The following ADGRE3 variants were observed in gnomAD, a reference collection of about 807,000 sequenced individuals.
ADGRE3 encodes EGF-like module receptor 3.
ADGRE3 carries 88 observed loss-of-function variants against 80.1 expected under a neutral mutation model. The observed-to-expected ratio is 1.10, with a 90% confidence interval of 0.93 to 1.31. The LOEUF (loss-of-function observed/expected upper bound fraction) is 1.31. Ranked by LOEUF, ADGRE3 falls within the 40% of genes most tolerant of loss-of-function variation. The probability of loss-of-function intolerance (pLI) is 0.00; values close to 1 mark genes in which losing one functional copy is unlikely to be tolerated. For missense variants in ADGRE3, 715 were observed against 776.5 expected (o/e 0.92, Z 0.94); for synonymous variants, 281 against 294.8 (o/e 0.95, Z 0.48).
chr19:14,615,354 T>G (rs900587925), downstream of ADGRE3, among the ~76,000 whole-genome samples: 1 of 152,050 alleles, frequency 6.6e-6, no homozygotes, highest in Non-Finnish European at 1.5e-5. Context: ...ATGTTCCACA[T>G]TATCTCCTGA....
downstream of ADGRE3, among the ~76,000 whole-genome samples, chr19:14,617,320 G>C (rs199750939): frequency 0.011 from 480 of 43,934 alleles, 17 homozygotes; most frequent in East Asian, 0.14. Context: ...TCTTCCCCTT[G>C]CTTCCCTCCC....
At chr19:14,650,116 ATCTC>A (rs548310039) in intron 7 of ADGRE3, among the ~76,000 whole-genome samples, 2 of 108,054 alleles carry the variant, frequency 1.9e-5, no homozygotes, top group African/African-American at 7.4e-5. Flanking sequence ...CCCTCTCCTC[ATCTC>A]TCTCTTTCCA....
chr19:14,618,841 C>T (rs1257316870), downstream of ADGRE3, among the ~76,000 whole-genome samples: 4 of 49,348 alleles, frequency 8.1e-5, no homozygotes, highest in African/African-American at 2.6e-4. Context: ...AGCGAAACTC[C>T]ATCTCAAAAA....
chr19:14,645,054 G>A (rs559783297), intron 8 of ADGRE3, among the ~76,000 whole-genome samples: 52 of 152,088 alleles, frequency 3.4e-4, no homozygotes, highest in Non-Finnish European at 6.2e-4. Flanking sequence ...CAGGACCCCC[G>A]ATCCATAACC....
rs147729224 is a variant in ADGRE3, at chr19:14,648,647, A to T, written c.698-1282T>A. Among the ~76,000 whole-genome samples the T allele has an allele frequency of 3.9e-5, 6 of 152,300 alleles. No homozygotes were observed. In the East Asian group the frequency reaches 1.2e-3, roughly 29 times the overall value. ...GCCATGAAGGTGTTTTAAAGATGAG[A>T]TTAATATTTAAATCAGTAGACTGAG... On this transcript the variant is annotated intron_variant, in intron 7 of 15. Coordinates refer to ENST00000253673, the MANE Select transcript of ADGRE3 (RefSeq NM_032571.5).
intron 2 of ADGRE3, among the ~76,000 whole-genome samples, chr19:14,666,540 A>C (rs542570654): frequency 7.2e-4 from 110 of 151,998 alleles, no homozygotes; most frequent in Middle Eastern, 6.8e-3. Context: ...TCACACCTGG[A>C]TAATTTTTGT....
intron 15 of ADGRE3, among the ~76,000 whole-genome samples, chr19:14,620,570 T>TATATA (rs1568471750): frequency 1.3e-4 from 1 of 7,738 alleles, no homozygotes. Context: ...ATATATATAT[T>TATATA]TTTTTTTTTT....
intron 2 of ADGRE3, among the ~76,000 whole-genome samples, chr19:14,667,794 G>A (rs533235630): frequency 1.1e-4 from 17 of 152,220 alleles, no homozygotes; most frequent in African/African-American, 3.6e-4. Flanking sequence ...AAACCTGCAC[G>A]TTGTGCACAT....
chr19:14,658,869 G>A (rs1227759364), intron 4 of ADGRE3, among the ~76,000 whole-genome samples: 1 of 151,764 alleles, frequency 6.6e-6, no homozygotes, highest in African/African-American at 2.4e-5. Context: ...TGAGTAGCTG[G>A]GATTACAGGC....
intron 7 of ADGRE3, among the ~76,000 whole-genome samples, chr19:14,648,067 G>C (rs942051283): frequency 7.5e-6 from 1 of 132,952 alleles, no homozygotes; most frequent in Non-Finnish European, 1.6e-5. Context: ...GGGTGACAGA[G>C]TGAGACTCCA....
chr19:14,635,552 C>G (rs1223222881), intron 11 of ADGRE3, among the ~76,000 whole-genome samples: 2 of 151,772 alleles, frequency 1.3e-5, no homozygotes, highest in Non-Finnish European at 2.9e-5. Context: ...GCTGAGATTA[C>G]AGGCGCGCAC....
intron 10 of ADGRE3, among the ~76,000 whole-genome samples, chr19:14,638,675 G>T (rs1027621402): frequency 1.3e-5 from 2 of 151,956 alleles, no homozygotes; most frequent in Non-Finnish European, 2.9e-5. Context: ...GGACTGAAAG[G>T]GTAGCAGAAT....
At chr19:14,654,544 C>T (rs1239209839) in intron 6 of ADGRE3, among the ~76,000 whole-genome samples, 3 of 152,104 alleles carry the variant, frequency 2.0e-5, no homozygotes, top group Admixed American at 6.6e-5. Context: ...GGAATACAGT[C>T]GTGAGCCATC....
At chr19:14,657,071 T>G (rs1568494784) in intron 5 of ADGRE3, among the ~76,000 whole-genome samples, 1 of 151,934 alleles carries the variant, frequency 6.6e-6, no homozygotes, top group Non-Finnish European at 1.5e-5. Context: ...AATTTTTGTG[T>G]TTTTTGTAGA....
chr19:14,620,435 T>C lies in ADGRE3; in HGVS notation c.1921-964A>G, dbSNP rs1452926238. On this transcript the variant is annotated intron_variant, in intron 15 of 15. Coordinates refer to ENST00000253673, the MANE Select transcript of ADGRE3 (RefSeq NM_032571.5). ...GTATATTCATGTATATATGAATATA[T>C]ATGTATATTCATGTATATATGAATA... is the stretch of plus-strand genomic sequence containing the variant. Among the ~76,000 whole-genome samples the C allele has an allele frequency of 9.6e-5, 14 of 146,078 alleles. 1 individual carries two copies. The South Asian group carries it at 2.7e-3, about 29-fold the overall frequency.
At chr19:14,624,588 C>CT (rs1400736095) in intron 15 of ADGRE3, among the ~76,000 whole-genome samples, 1 of 151,444 alleles carries the variant, frequency 6.6e-6, no homozygotes, top group Admixed American at 6.6e-5. Context: ...GACTCCATCT[C>CT]TCTCTCTATA....
rs150534279 is a variant in ADGRE3, at chr19:14,639,557, A to G, written c.1249-1217T>C. 2.5e-3 allele frequency among the ~76,000 whole-genome samples: 387 copies of G among 152,136 alleles called. 4 individuals carry two copies. The highest frequency in any genetic ancestry group is 0.018 in the East Asian group (92 of 5,166). ...GCAGCTGGGACTACAGACGTGCACC[A>G]CTGTGTCCAGCTAATTTTGTTATTT... On this transcript the variant is annotated intron_variant, in intron 10 of 15. Transcript: ENST00000253673.
chr19:14,647,901 G>A (rs1971459385), intron 7 of ADGRE3, among the ~76,000 whole-genome samples: 1 of 150,958 alleles, frequency 6.6e-6, no homozygotes. Flanking sequence ...GGTCAACATG[G>A]TGAAACCCTG....
chr19:14,624,827 C>T (rs1406691648), intron 15 of ADGRE3, among the ~76,000 whole-genome samples: 1 of 150,760 alleles, frequency 6.6e-6, no homozygotes, highest in Non-Finnish European at 1.5e-5. Flanking sequence ...AGGAGCAGAA[C>T]ACCAAACACC....
Sources: allele counts gnomAD v4.1 joint callset (sites outside exome capture counted in the v4.1 genomes callset), GRCh38; gene constraint gnomAD v4.1.1; transcripts MANE v1.5; gene names NCBI Gene and HGNC (gene_info 2026-07-23, HGNC 2026-07-21).